Variants in EPRS1 observed in about 807,000 individuals in gnomAD.
The protein encoded by EPRS1 is bifunctional glutamate/proline--tRNA ligase.
In EPRS1, 107 loss-of-function variants were observed where a neutral mutation model predicts 188.3. That is an observed-to-expected ratio of 0.57 (90% confidence interval 0.49 to 0.67). The LOEUF (loss-of-function observed/expected upper bound fraction) is 0.67, where lower values mean the gene tolerates loss of function less well. Among genes scored for constraint, EPRS1 ranks in the 30% least tolerant of loss-of-function variants. EPRS1 has a pLI of 0.00. For synonymous variants in EPRS1, 596 were observed against 593.1 expected (o/e 1.00, Z -0.07); for missense variants, 1,577 against 1,802.2 (o/e 0.88, Z 2.26).
intron 30 of EPRS1, among the ~76,000 whole-genome samples, chr1:219,971,675 T>C (rs1013544388): frequency 6.6e-6 from 1 of 151,370 alleles, no homozygotes; most frequent in Non-Finnish European, 1.5e-5. Context: ...CTTTAGAAAG[T>C]AGCATATCAA....
intron 2 of EPRS1, among the ~76,000 whole-genome samples, chr1:220,035,745 C>T (rs1662164603): frequency 6.6e-6 from 1 of 151,960 alleles, no homozygotes; most frequent in Non-Finnish European, 1.5e-5. Context: ...ACAAGAATCG[C>T]TTGAACTCAC....
In EPRS1 at chr1:220,018,466, A is replaced by C. The variant is rs1661787441; in HGVS notation, c.1477T>G (p.Trp493Gly). ...SVVNMEWDKI[W>G]AFNKKVIDPV... ...ATACATACCTTTTTGTTAAACGCCC[A>C]GATTTTGTCCCACTCCATGTTCACG... The change falls in exon 12 of 32, where the codon TGG (tryptophan) becomes GGG (glycine). Residue 493 changes from tryptophan (W) to glycine (G), a missense_variant. Physicochemically the swap from Trp to Gly is radical, Grantham distance 184. This residue lies in a region of EPRS1 where 1,278 missense variants were observed against 1,457.4 expected (regional missense o/e 0.88). Transcript: ENST00000366923. The C allele has an allele frequency of 1.9e-6, 3 of 1,612,056 alleles. No homozygotes were observed. Among genetic ancestry groups the C allele is most frequent in the Non-Finnish European group, 2.5e-6 (3 of 1,179,056 alleles).
intron 28 of EPRS1, among the ~76,000 whole-genome samples, chr1:219,977,722 A>C (rs1395448736): frequency 6.6e-6 from 1 of 152,218 alleles, no homozygotes; most frequent in Non-Finnish European, 1.5e-5. Flanking sequence ...ACCATTCCTC[A>C]GCACAGGAAA....
chr1:220,022,936 C>T (rs1661906036), intron 8 of EPRS1, among the ~76,000 whole-genome samples: 1 of 152,276 alleles, frequency 6.6e-6, no homozygotes, highest in African/African-American at 2.4e-5. Flanking sequence ...CACCTCATGC[C>T]TAAGGGACAG....
At position 219,988,707 on chromosome 1, in the gene EPRS1, G is replaced by A. The variant is rs1464655149; in HGVS notation, c.2658C>T (p.Ser886=). 6.2e-7 allele frequency: 1 copy of A among 1,613,820 alleles called. No homozygotes were observed. Among genetic ancestry groups the A allele is most frequent in the Non-Finnish European group, 8.5e-7 (1 of 1,179,774 alleles). ...QPPLSQSSDS[S]PTRNSEPAGL... Reference sequence around the variant, plus strand: ...CAGCAGGTTCAGAATTTCTGGTTGGGCTTGAATCCGAACTTTGAGATAATG... The same window carrying A: ...CAGCAGGTTCAGAATTTCTGGTTGGACTTGAATCCGAACTTTGAGATAATG... Residue 886 remains serine (S), a synonymous_variant, in exon 19 of 32, where the codon AGC becomes AGT. Coordinates refer to ENST00000366923, the MANE Select transcript of EPRS1 (RefSeq NM_004446.3).
rs1199533854 is a variant in EPRS1, at chr1:219,971,789, T to TAC, written c.4323+279_4323+280insGT. On this transcript the variant is annotated intron_variant, in intron 30 of 31. Transcript: ENST00000366923. ...AAGCCAGTAGAAAACAAAGACTATA[T>TAC]ATATATACATATACACACACACTAT... Among the ~76,000 whole-genome samples, 44 of 136,982 alleles carry TAC rather than the reference T, an allele frequency of 3.2e-4. 2 individuals are homozygous for TAC. Among genetic ancestry groups the TAC allele is most frequent in the Non-Finnish European group, 6.0e-4 (38 of 63,298 alleles). The allele number at this position is 136,982 out of a possible 152,430, so 89.9% of individuals were successfully genotyped here.
Position 219,997,328 on chromosome 1 carries a change from A to G in EPRS1, c.2196T>C (p.Phe732=), listed in dbSNP as rs887817781. 1.2e-5 allele frequency: 20 copies of G among 1,602,730 alleles called. No individual in the cohort carries two copies. Among genetic ancestry groups the G allele is most frequent in the Middle Eastern group, 3.6e-4 (2 of 5,630 alleles). Residue 732 remains phenylalanine (F), a synonymous_variant, in exon 18 of 32, where the codon TTT becomes TTC. Coordinates refer to ENST00000366923, the MANE Select transcript of EPRS1 (RefSeq NM_004446.3). ...TCAGAGAAGGTGTTGGTCTTTCCTT[A>G]AAAGGAGCAGAGGTCTACCAAGAGA... ...EATKNETSAP[F]KERPTPSLNN...
chr1:220,044,524 A>C (rs1004645726), intron 1 of EPRS1, among the ~76,000 whole-genome samples: 1 of 152,006 alleles, frequency 6.6e-6, no homozygotes, highest in African/African-American at 2.4e-5. Context: ...CAGGAGTTTG[A>C]GACCAGCCTG....
At chr1:219,971,759 T>C (rs1323412948) in intron 30 of EPRS1, among the ~76,000 whole-genome samples, 2 of 148,620 alleles carry the variant, frequency 1.3e-5, no homozygotes, top group Non-Finnish European at 3.0e-5. Context: ...TGTAATGCTT[T>C]AGAAAAGCCA....
intron 28 of EPRS1, among the ~76,000 whole-genome samples, chr1:219,975,393 C>T (rs1424790434): frequency 1.3e-5 from 2 of 152,142 alleles, no homozygotes; most frequent in Non-Finnish European, 2.9e-5. Context: ...GAATTACAAG[C>T]ACAAAATGGA....
At chr1:219,977,993 G>A (rs1306476830) in intron 28 of EPRS1, among the ~76,000 whole-genome samples, 1 of 152,088 alleles carries the variant, frequency 6.6e-6, no homozygotes, top group Non-Finnish European at 1.5e-5. Flanking sequence ...TCAGAATTAA[G>A]GCCACAGATA....
At position 219,972,076 on chromosome 1, in the gene EPRS1, G is replaced by C. The variant is rs746808658; in HGVS notation, c.4316C>G (p.Ser1439Cys). 6.3e-6 allele frequency: 10 copies of C among 1,586,990 alleles called. No homozygotes were observed. Among genetic ancestry groups the C allele is most frequent in the Non-Finnish European group, 8.6e-6 (10 of 1,167,200 alleles). Residue 1439 changes from serine to cysteine, a missense_variant, in exon 30 of 32, where the codon TCT becomes TGT. Ser to Cys is a moderately radical substitution (Grantham distance 112). Around this residue, in one of 3 missense-constraint regions of EPRS1, gnomAD observed 296 missense variants for 327.9 expected, o/e 0.90. Coordinates refer to ENST00000366923, the MANE Select transcript of EPRS1 (RefSeq NM_004446.3). ...TMEDFQKILD[S>C]GKIVQIPFCG... ...TTTTCCAAACTCTCTGACCTTTCCA[G>C]AATCTAGTATCTTCTGAAAGTCTTC...
chr1:220,024,124 C>T (rs1212312523), intron 8 of EPRS1, 140 bp downstream of exon 8: 1 of 588,722 alleles, frequency 1.7e-6, no homozygotes, highest in Non-Finnish European at 2.8e-6. Context: ...TGTACTCCAG[C>T]CCAGGCAACA....
At chr1:219,977,610 G>A (rs770760899) in intron 28 of EPRS1, among the ~76,000 whole-genome samples, 2 of 151,980 alleles carry the variant, frequency 1.3e-5, no homozygotes, top group Non-Finnish European at 2.9e-5. Flanking sequence ...GCAAAAAGGA[G>A]TGCAATTAAA....
At chr1:220,021,940 CAT>C (rs1558058110) in intron 9 of EPRS1, among the ~76,000 whole-genome samples, 1 of 151,972 alleles carries the variant, frequency 6.6e-6, no homozygotes, top group Non-Finnish European at 1.5e-5. Flanking sequence ...AATCTAAACA[CAT>C]GTTACTCTCC....
chr1:220,011,285 G>A (rs1294324094), intron 12 of EPRS1, among the ~76,000 whole-genome samples: 2 of 152,036 alleles, frequency 1.3e-5, no homozygotes, highest in Admixed American at 6.5e-5. Flanking sequence ...AATAGCTACT[G>A]GCAGGTGAAA....
At chr1:220,021,245 G>A (rs1457866151) in intron 9 of EPRS1, among the ~76,000 whole-genome samples, 1 of 152,022 alleles carries the variant, frequency 6.6e-6, no homozygotes, top group African/African-American at 2.4e-5. Flanking sequence ...CTGGAGTGAA[G>A]TGGCATGATC....
chr1:220,007,377 C>G, intron 13 of EPRS1, 39 bp from the exon 14 acceptor site: 1 of 1,588,662 alleles, frequency 6.3e-7, no homozygotes, highest in Non-Finnish European at 8.6e-7. Flanking sequence ...GTTGAAACAA[C>G]AACTTATTGA....
intron 6 of EPRS1, among the ~76,000 whole-genome samples, chr1:220,025,796 T>G (rs9988498): frequency 6.8e-6 from 1 of 146,664 alleles, no homozygotes; most frequent in East Asian, 2.0e-4. Flanking sequence ...AAAATAAAAG[T>G]TTTTTTTTTT....
Sources: gnomAD v4.1 joint callset for allele counts (sites outside exome capture counted in the v4.1 genomes callset) on GRCh38, gnomAD v4.1.1 for gene constraint, gnomAD v4.1.1 regional missense constraint, MANE v1.5 for transcripts, NCBI Gene and HGNC (gene_info 2026-07-23, HGNC 2026-07-21) for gene names.